ACSL3: variants seen among roughly 807,000 people sequenced by gnomAD.
ACSL3 encodes the protein fatty acid CoA ligase Acsl3.
In ACSL3, 34 loss-of-function variants were observed where a neutral mutation model predicts 84.7. That is an observed-to-expected ratio of 0.40 (90% CI 0.31 to 0.53). ACSL3 has a LOEUF of 0.53. ACSL3 is among the 20% of genes least tolerant of loss of function. The probability of loss-of-function intolerance (pLI) is 0.48; values close to 1 mark genes in which losing one functional copy is unlikely to be tolerated. For missense variants in ACSL3, 680 were observed against 873.1 expected (o/e 0.78, Z 2.79); for synonymous variants, 315 against 299.4 (o/e 1.05, Z -0.54).
chr2:222,919,353 A>G (rs933383705), intron 7 of ACSL3, 151 bp downstream of exon 7: 4 of 595,628 alleles, frequency 6.7e-6, no homozygotes, highest in Non-Finnish European at 7.9e-6. Flanking sequence ...GTATACTTTC[A>G]TCTTGTCTTT....
At chr2:222,929,404 C>G (rs1201616979) in intron 13 of ACSL3, among the ~76,000 whole-genome samples, 1 of 151,972 alleles carries the variant, frequency 6.6e-6, no homozygotes. Context: ...AAATAATGGT[C>G]ACTTAAAAAT....
intron 2 of ACSL3, among the ~76,000 whole-genome samples, chr2:222,896,817 G>A (rs1265121561): frequency 2.9e-3 from 41 of 13,980 alleles, no homozygotes; most frequent in Non-Finnish European, 3.8e-3. Flanking sequence ...GCGGCTGGCC[G>A]GGCGGGGGGG....
chr2:222,893,547 C>T (rs565567551), intron 2 of ACSL3, among the ~76,000 whole-genome samples: 1 of 152,224 alleles, frequency 6.6e-6, no homozygotes, highest in Admixed American at 6.5e-5. Context: ...CTTGAAACCC[C>T]AGATCTAAGC....
chr2:222,918,204 G>A, intron 6 of ACSL3, 49 bp downstream of exon 6: 1 of 1,279,240 alleles, frequency 7.8e-7, no homozygotes, highest in South Asian at 1.3e-5. Flanking sequence ...AGAATTTTCA[G>A]TGTCATGAGC....
At chr2:222,937,789 CA>C (rs1323987541) in intron 16 of ACSL3, among the ~76,000 whole-genome samples, 1 of 152,100 alleles carries the variant, frequency 6.6e-6, no homozygotes, top group African/African-American at 2.4e-5. Context: ...ATTTACATTT[CA>C]GGTCATTATT....
chr2:222,911,477 A>AT (rs895945642), intron 4 of ACSL3, among the ~76,000 whole-genome samples: 1 of 152,052 alleles, frequency 6.6e-6, no homozygotes, highest in Non-Finnish European at 1.5e-5. Context: ...TTATAGATTC[A>AT]TTTTTTTGTC....
rs189835333 is a variant in ACSL3 at position 222,915,703 on chromosome 2, C to T, written c.379-616C>T. 1.6e-3 allele frequency among the ~76,000 whole-genome samples: 246 copies of T among 152,244 alleles called. 2 individuals carry two copies. Among genetic ancestry groups the T allele is most frequent in the Non-Finnish European group, 3.1e-3 (212 of 68,018 alleles). ...TGGCGGTGCCAGTAAGCATTTAAGG[C>T]TTGAATAGAGGGACTTTGAATAATA... is the stretch of plus-strand genomic sequence containing the variant. On this transcript the variant is annotated intron_variant, in intron 4 of 16. Transcript: ENST00000357430.
At chr2:222,896,700 G>A (rs1408563068) in intron 2 of ACSL3, among the ~76,000 whole-genome samples, 4 of 27,250 alleles carry the variant, frequency 1.5e-4, no homozygotes, top group Admixed American at 6.8e-4. Flanking sequence ...CGGGCGGGGG[G>A]CTGACCCCCC....
chr2:222,870,704 G>T (rs79794211), intron 1 of ACSL3, among the ~76,000 whole-genome samples: 2 of 152,230 alleles, frequency 1.3e-5, no homozygotes, highest in African/African-American at 2.4e-5. Flanking sequence ...GAGAAGACAG[G>T]TAAGGGAGAC....
intron 13 of ACSL3, among the ~76,000 whole-genome samples, chr2:222,929,990 A>G (rs375991129): frequency 6.5e-5 from 9 of 139,340 alleles, no homozygotes; most frequent in East Asian, 2.2e-4. Flanking sequence ...TGCAGTGTCA[A>G]TGGTTTCGGC....
chr2:222,890,922 C>T (rs950536107), intron 2 of ACSL3, among the ~76,000 whole-genome samples: 2 of 152,172 alleles, frequency 1.3e-5, no homozygotes, highest in Admixed American at 6.5e-5. Flanking sequence ...GGATTACAGG[C>T]GTGAGCCATT....
intron 2 of ACSL3, among the ~76,000 whole-genome samples, chr2:222,888,152 CTT>C (rs966093450): frequency 1.1e-4 from 16 of 152,018 alleles, no homozygotes; most frequent in Admixed American, 3.9e-4. Context: ...TCAGTGGCCT[CTT>C]TATTTTGGAT....
Position 222,885,407 on chromosome 2 carries a change from G to T in ACSL3, c.-206-2423G>T, listed in dbSNP as rs930101516. Among the ~76,000 whole-genome samples, 8 of 152,172 alleles carry T rather than the reference G, an allele frequency of 5.3e-5. No individual in the cohort carries two copies. The East Asian group carries it at 1.4e-3, about 26-fold the overall frequency. The stretch of plus-strand genomic sequence containing the variant: ...TTTTTTTCATTAAAAAAATTTTAAT[G>T]TAGGAAATGATACTGTTTTAATTTG... On this transcript the variant is annotated intron_variant, in intron 1 of 16. Transcript: ENST00000357430.
chr2:222,917,600 G>C (rs944909293), intron 5 of ACSL3: 1 of 152,436 alleles, frequency 6.6e-6, no homozygotes, highest in Admixed American at 6.5e-5. Context: ...ATTTTTGCTT[G>C]AGAATAAACG....
intron 9 of ACSL3, 23 bp from the exon 10 acceptor site, chr2:222,923,055 G>A (rs1368295465): frequency 1.0e-5 from 16 of 1,581,210 alleles, no homozygotes; most frequent in Admixed American, 1.7e-5. Flanking sequence ...ACTTTATATG[G>A]ATCACTTTTT....
Position 222,943,078 on chromosome 2 carries a change from CAAAAATCAA to C in ACSL3, c.*1430_*1438del. The C allele has an allele frequency of 1.0e-5, 1 of 96,256 alleles. No homozygotes were observed. Among genetic ancestry groups the C allele is most frequent in the Non-Finnish European group, 1.7e-5 (1 of 57,574 alleles). The allele number at this position is 96,256 out of a possible 1,614,324, so 6.0% of individuals were successfully genotyped here. A position where few individuals can be genotyped will look rare whatever the true frequency, so the allele number is the denominator to read the frequency against. ...CTCAGTTACTGTAGGCATCAAAAGG[CAAAAATCAA>C]AAAAAAAAAAAACAAAAACAAAAAA... On this transcript the variant is annotated 3_prime_UTR_variant, in exon 17 of 17. Coordinates refer to ENST00000357430, the MANE Select transcript of ACSL3 (RefSeq NM_004457.5).
intron 1 of ACSL3, among the ~76,000 whole-genome samples, chr2:222,862,699 C>A (rs1695043760): frequency 8.9e-6 from 1 of 112,554 alleles, no homozygotes; most frequent in African/African-American, 3.5e-5. Context: ...TTCCTGGTTT[C>A]TCTTTTGTAT....
chr2:222,888,917 G>A (rs1370000070), intron 2 of ACSL3, among the ~76,000 whole-genome samples: 2 of 152,142 alleles, frequency 1.3e-5, no homozygotes, highest in African/African-American at 4.8e-5. Flanking sequence ...CTCTTTGAGG[G>A]ATATACGTGA....
At chr2:222,932,084 G>C (rs923863295) in intron 14 of ACSL3, among the ~76,000 whole-genome samples, 1 of 152,176 alleles carries the variant, frequency 6.6e-6, no homozygotes, top group African/African-American at 2.4e-5. Context: ...GGCCTCACTT[G>C]CAAGAATTTT....
Sources: gnomAD v4.1 joint callset for allele counts (sites outside exome capture counted in the v4.1 genomes callset) on GRCh38, gnomAD v4.1.1 for gene constraint, MANE v1.5 for transcripts, NCBI Gene and HGNC (gene_info 2026-07-23, HGNC 2026-07-21) for gene names.